SLC30A7: variants seen among roughly 807,000 people sequenced by gnomAD.
SLC30A7 encodes zinc transporter 7.
SLC30A7 carries 35 observed loss-of-function variants against 46.0 expected under a neutral mutation model. The observed-to-expected ratio is 0.76, with a 90% confidence interval of 0.58 to 1.01. SLC30A7 has a LOEUF of 1.01. Ranked by LOEUF, SLC30A7 falls within the 50% of genes least tolerant of loss-of-function variation. SLC30A7 has a pLI of 0.00. For missense variants in SLC30A7, 464 were observed against 451.1 expected (o/e 1.03, Z -0.26); for synonymous variants, 147 against 157.8 (o/e 0.93, Z 0.51).
chr1:100,921,893 T>C (rs1168021508), intron 8 of SLC30A7, 52 bp downstream of exon 8: 3 of 1,483,566 alleles, frequency 2.0e-6, no homozygotes, highest in East Asian at 2.3e-5. Context: ...GAGAGAAATA[T>C]GTTACTTAAA....
intron 2 of SLC30A7, among the ~76,000 whole-genome samples, chr1:100,903,498 G>A (rs1651443954): frequency 6.6e-6 from 1 of 151,990 alleles, no homozygotes; most frequent in African/African-American, 2.4e-5. Flanking sequence ...TGAATAATAT[G>A]CCCCTTACCT....
At chr1:100,971,882 C>T (rs1365547621) in intron 10 of SLC30A7, among the ~76,000 whole-genome samples, 2 of 152,046 alleles carry the variant, frequency 1.3e-5, no homozygotes, top group Non-Finnish European at 2.9e-5. Context: ...TTTTTTACTT[C>T]CGATTTGTTA....
chr1:100,951,157 G>C (rs1459714681), intron 8 of SLC30A7, among the ~76,000 whole-genome samples: 1 of 152,138 alleles, frequency 6.6e-6, no homozygotes, highest in Non-Finnish European at 1.5e-5. Flanking sequence ...GCAAGCTTTG[G>C]GGTTAGAGAA....
At chr1:100,992,640 G>C in the SLC30A7 span, 1 of 1,613,158 alleles carries the variant, frequency 6.2e-7, no homozygotes, top group Non-Finnish European at 8.5e-7. Context: ...TGAGTACCTG[G>C]TTCTTCTCCT....
At chr1:100,924,618 G>GCAAATTGT (rs1334488588) in intron 8 of SLC30A7, among the ~76,000 whole-genome samples, 3 of 149,406 alleles carry the variant, frequency 2.0e-5, no homozygotes, top group Admixed American at 6.7e-5. Flanking sequence ...CTCCATTAGG[G>GCAAATTGT]CAAATTGTTT....
intron 2 of SLC30A7, among the ~76,000 whole-genome samples, chr1:100,902,464 GT>G (rs990689805): frequency 2.0e-5 from 3 of 151,938 alleles, no homozygotes; most frequent in African/African-American, 7.3e-5. Context: ...AAGTAAATTT[GT>G]TGAAAAAAAG....
At chr1:100,950,997 A>G (rs989073473) in intron 8 of SLC30A7, among the ~76,000 whole-genome samples, 4 of 152,182 alleles carry the variant, frequency 2.6e-5, no homozygotes, top group African/African-American at 9.6e-5. Context: ...TAACTCGGGG[A>G]GCCAGCGTAG....
chr1:100,906,510 G>A (rs1478888104), intron 2 of SLC30A7, among the ~76,000 whole-genome samples: 1 of 152,030 alleles, frequency 6.6e-6, no homozygotes, highest in Non-Finnish European at 1.5e-5. Context: ...TATCAGCCTC[G>A]TCCCAGTAGT....
chr1:100,971,843 A>G (rs1282458607), intron 10 of SLC30A7, among the ~76,000 whole-genome samples: 3 of 152,160 alleles, frequency 2.0e-5, no homozygotes, highest in Non-Finnish European at 2.9e-5. Context: ...ATAATTTTCT[A>G]TAGTCATATT....
At chr1:100,899,937 G>A (rs1651197468) in intron 2 of SLC30A7, among the ~76,000 whole-genome samples, 1 of 151,698 alleles carries the variant, frequency 6.6e-6, no homozygotes, top group Non-Finnish European at 1.5e-5. Flanking sequence ...CATGTATTCT[G>A]CGGAAAGTCA....
chr1:100,909,537 A>G (rs1379283718), intron 3 of SLC30A7, among the ~76,000 whole-genome samples: 2 of 152,160 alleles, frequency 1.3e-5, no homozygotes, highest in Non-Finnish European at 2.9e-5. Context: ...CAGCACATTC[A>G]TGAATTACAT....
At chr1:100,963,767 C>T (rs1655683212) in intron 9 of SLC30A7, among the ~76,000 whole-genome samples, 1 of 152,130 alleles carries the variant, frequency 6.6e-6, no homozygotes, top group Non-Finnish European at 1.5e-5. Context: ...TAAATAGTCA[C>T]ATATGTCTAG....
rs1656421084 is a variant in SLC30A7, at chr1:100,975,594, C to T, written c.*737C>T. On this transcript the variant is annotated 3_prime_UTR_variant, in exon 11 of 11. Coordinates refer to ENST00000357650, the MANE Select transcript of SLC30A7 (RefSeq NM_133496.5). ...CCAGGCTGGAGTGCAGTGGCATAAT[C>T]TCAGCTCACTGCAACCTCTGCTTCC... is the stretch of plus-strand genomic sequence containing the variant. 6.6e-6 allele frequency: 1 copy of T among 152,432 alleles called. No individual in the cohort carries two copies. Among genetic ancestry groups the T allele is most frequent in the Admixed American group, 6.5e-5 (1 of 15,282 alleles). 9.4% of individuals were successfully genotyped at this position (152,432 alleles called of 1,614,324 possible).
At chr1:100,936,413 A>T (rs150421406) in intron 8 of SLC30A7, among the ~76,000 whole-genome samples, 3 of 151,700 alleles carry the variant, frequency 2.0e-5, no homozygotes, top group African/African-American at 4.8e-5. Flanking sequence ...TGTAGTACAC[A>T]CTCCTATATG....
intron 6 of SLC30A7, among the ~76,000 whole-genome samples, chr1:100,915,335 A>C (rs367895039): frequency 6.6e-6 from 1 of 151,626 alleles, no homozygotes; most frequent in East Asian, 1.9e-4. Flanking sequence ...TTAAGTATAC[A>C]ATACAGTATT....
intron 7 of SLC30A7, among the ~76,000 whole-genome samples, chr1:100,918,793 T>C (rs1374536219): frequency 6.6e-6 from 1 of 152,188 alleles, no homozygotes; most frequent in Non-Finnish European, 1.5e-5. Context: ...GTATCAGTTG[T>C]TTACCCTTGT....
At chr1:100,962,934 A>G (rs1289403981) in intron 9 of SLC30A7, among the ~76,000 whole-genome samples, 1 of 152,170 alleles carries the variant, frequency 6.6e-6, no homozygotes, top group African/African-American at 2.4e-5. Context: ...GGGGAGAGAA[A>G]GTGTTGGCTT....
Position 100,981,388 on chromosome 1 carries a change from A to T in SLC30A7, c.*6531A>T, listed in dbSNP as rs1222803576. 1 of 152,290 alleles carries T rather than the reference A, an allele frequency of 6.6e-6. No homozygotes were observed. The allele number at this position is 152,290 out of a possible 1,614,324, so 9.4% of individuals were successfully genotyped here. On this transcript the variant is annotated 3_prime_UTR_variant, in exon 11 of 11. Coordinates refer to ENST00000357650, the MANE Select transcript of SLC30A7 (RefSeq NM_133496.5). Reference sequence around the variant, plus strand: ...ATGGAAAATTGCCAAATCCCTTCTTAGTATATTTTAAGCACCCTACAACAC... The same window carrying T: ...ATGGAAAATTGCCAAATCCCTTCTTTGTATATTTTAAGCACCCTACAACAC...
At chr1:100,904,170 G>A (rs967027806) in intron 2 of SLC30A7, among the ~76,000 whole-genome samples, 25 of 152,120 alleles carry the variant, frequency 1.6e-4, no homozygotes, top group African/African-American at 6.0e-4. Context: ...TTGGAGCTGG[G>A]ATTTGAACCC....
Sources: gnomAD v4.1 joint callset for allele counts (sites outside exome capture counted in the v4.1 genomes callset) on GRCh38, gnomAD v4.1.1 for gene constraint, MANE v1.5 for transcripts, NCBI Gene and HGNC (gene_info 2026-07-23, HGNC 2026-07-21) for gene names.